Variants in COL5A1 observed in about 807,000 individuals in gnomAD.
COL5A1 encodes the protein collagen type V alpha 1 chain.
COL5A1 carries 16 observed loss-of-function variants against 263.7 expected under a neutral mutation model. The observed-to-expected ratio is 0.06, with a 90% CI of 0.04 to 0.09. The LOEUF is 0.09. Among genes scored for constraint, COL5A1 ranks in the 10% least tolerant of loss-of-function variants. The pLI is 1.00. For missense variants in COL5A1, 2,036 were observed against 2,540.5 expected (o/e 0.80, Z 4.27); for synonymous variants, 1,012 against 1,004.5 (o/e 1.01, Z -0.14).
In COL5A1 at chr9:134,757,141, G is replaced by A. The variant is rs1216304696; in HGVS notation, c.1881+323G>A. ...AGGGCAGAGGCGGGGCATATGGCAA[G>A]TGCGGGGGCCAGGGGGTCTTGTCCA... On this transcript the variant is annotated intron_variant, in intron 17 of 65. Transcript: ENST00000371817. The surrounding 1 kb of genome is among the most constrained non-coding windows in gnomAD (Gnocchi z 6.2). Among the ~76,000 whole-genome samples the A allele has an allele frequency of 1.3e-5, 2 of 152,186 alleles. No individual in the cohort carries two copies. The highest frequency in any genetic ancestry group is 2.1e-4 in the South Asian group (1 of 4,830).
chr9:134,829,895 C>CT, intron 63 of COL5A1, 81 bp from the exon 64 acceptor site: 1 of 1,485,342 alleles, frequency 6.7e-7, no homozygotes, highest in Non-Finnish European at 9.2e-7. Flanking sequence ...CCGGGAAAGC[C>CT]TGGGGCCTTG....
chr9:134,760,794 G>A (rs898293780), intron 18 of COL5A1, among the ~76,000 whole-genome samples: 26 of 112,108 alleles, frequency 2.3e-4, no homozygotes, highest in South Asian at 9.6e-4. Context: ...GCACACACAC[G>A]CATACACCCT....
At chr9:134,729,248 C>A (rs887605011) in intron 6 of COL5A1, among the ~76,000 whole-genome samples, 6 of 152,172 alleles carry the variant, frequency 3.9e-5, no homozygotes, top group African/African-American at 1.4e-4. Flanking sequence ...GGGCTGTCAT[C>A]CCCTCACCTC....
rs919675480 is a variant in COL5A1, at chr9:134,754,801, G to A, written c.1827+475G>A. On this transcript the variant is annotated intron_variant, in intron 16 of 65. Coordinates refer to ENST00000371817, the MANE Select transcript of COL5A1 (RefSeq NM_000093.5). This position sits in a 1 kb window ranked among gnomAD's most constrained non-coding sequence, Gnocchi z 4.3. ...ACTGGTTTGTTTGCACATGACCCTG[G>A]CTTCTAAAAGAGGACACACGTTTCC... is the stretch of plus-strand genomic sequence containing the variant. Among the ~76,000 whole-genome samples the A allele has an allele frequency of 2.0e-5, 3 of 152,136 alleles. No individual in the cohort carries two copies. The highest frequency in any genetic ancestry group is 2.0e-4 in the Admixed American group (3 of 15,274).
Position 134,789,009 on chromosome 9 carries a change from C to CAGGT in COL5A1, c.2647-141_2647-138dup, listed in dbSNP as rs1419347001. 6 of 667,254 alleles carry CAGGT rather than the reference C, an allele frequency of 9.0e-6. No homozygotes were observed. In the South Asian group the frequency reaches 9.4e-5, roughly 10 times the overall value. The allele number at this position is 667,254 out of a possible 1,614,324, so 41.3% of individuals were successfully genotyped here. Reference sequence around the variant, plus strand: ...GTGGATAGGTGAGAAGGTAGGTAGACAGGTAGGTGGGTGGTTGGGTGGGTG... The same window carrying CAGGT: ...GTGGATAGGTGAGAAGGTAGGTAGACAGGTAGGTAGGTGGGTGGTTGGGTGGGTG... On this transcript the variant is annotated intron_variant, in intron 31 of 65. Transcript: ENST00000371817. The surrounding 1 kb of genome is among the most constrained non-coding windows in gnomAD (Gnocchi z 4.8).
chr9:134,753,972 A>G (rs752100279), intron 15 of COL5A1, 69 bp downstream of exon 15: 65 of 1,354,330 alleles, frequency 4.8e-5, no homozygotes, highest in Non-Finnish European at 6.4e-5. Flanking sequence ...GACGGCGAGC[A>G]TGGAGGGACC....
intron 42 of COL5A1, among the ~76,000 whole-genome samples, chr9:134,808,370 A>C (rs912234501): frequency 3.9e-5 from 6 of 152,168 alleles, no homozygotes; most frequent in African/African-American, 1.4e-4. Context: ...CTTAAGAAGG[A>C]TCATTTGAGA....
At chr9:134,708,769 G>A (rs762947226) in intron 4 of COL5A1, 27 of 465,938 alleles carry the variant, frequency 5.8e-5, no homozygotes, top group South Asian at 2.9e-4. Context: ...GTCACAGCCC[G>A]GTGGCAAACA....
intron 19 of COL5A1, 100 bp downstream of exon 19, chr9:134,762,078 C>A: frequency 7.8e-7 from 1 of 1,276,350 alleles, no homozygotes; most frequent in Non-Finnish European, 1.1e-6. Flanking sequence ...TGGGATTGGC[C>A]TGCCGCATGT....
intron 1 of COL5A1, among the ~76,000 whole-genome samples, chr9:134,650,412 T>G (rs942606576): frequency 2.0e-5 from 3 of 152,212 alleles, no homozygotes; most frequent in Admixed American, 1.3e-4. Flanking sequence ...TGCAAAGACA[T>G]TGGGTGTGTC....
Position 134,817,772 on chromosome 9 carries a change from T to G in COL5A1, c.4177-6T>G. 1 of 1,611,886 alleles carries G rather than the reference T, an allele frequency of 6.2e-7. No individual in the cohort carries two copies. Among genetic ancestry groups the G allele is most frequent in the Non-Finnish European group, 8.5e-7 (1 of 1,179,154 alleles). On this transcript the variant is annotated splice_polypyrimidine_tract_variant and splice_region_variant and intron_variant, in intron 53 of 65. Transcript: ENST00000371817. ...TCACCACCTGCTGTTCTCTTGCTTCTTTCAGGGTCCCCCAGGCCCCGCAGG... is the reference window on the plus strand; with the variant it reads ...TCACCACCTGCTGTTCTCTTGCTTCGTTCAGGGTCCCCCAGGCCCCGCAGG...
intron 1 of COL5A1, among the ~76,000 whole-genome samples, chr9:134,667,490 C>T (rs1187396792): frequency 6.6e-6 from 1 of 152,156 alleles, no homozygotes; most frequent in Non-Finnish European, 1.5e-5. Flanking sequence ...GACCTCCAGC[C>T]CTGCCAGCAC....
intron 1 of COL5A1, among the ~76,000 whole-genome samples, chr9:134,674,318 A>C (rs1832627909): frequency 6.6e-6 from 1 of 152,206 alleles, no homozygotes; most frequent in South Asian, 2.1e-4. Context: ...TGGCAACAGA[A>C]GGCATGAGTG....
At position 134,812,384 on chromosome 9, in the gene COL5A1, G is replaced by A; in HGVS notation, c.3691-65G>A. 6.5e-6 allele frequency: 10 copies of A among 1,539,042 alleles called. 1 individual carries two copies. The South Asian group carries it at 1.1e-4, about 17-fold the overall frequency. On this transcript the variant is annotated intron_variant, in intron 46 of 65. Coordinates refer to ENST00000371817, the MANE Select transcript of COL5A1 (RefSeq NM_000093.5). ...TGCTGTGTGGGTGGAGGTCGTGAAA[G>A]CTGTGTGTGTGTTTGACATACACAT...
chr9:134,739,495 G>A (rs1399370803), intron 11 of COL5A1, among the ~76,000 whole-genome samples: 2 of 152,238 alleles, frequency 1.3e-5, no homozygotes, highest in Non-Finnish European at 2.9e-5. Context: ...TTCACGCCAG[G>A]GCCCTGCCTG....
chr9:134,642,446 C>T lies in COL5A1; in HGVS notation c.109+150C>T, dbSNP rs534194812. ...ACCACGAATGCCATTTGCTGGGGGCCCCCCCGAGATGACGACACGCAGACA... is the reference window on the plus strand; with the variant it reads ...ACCACGAATGCCATTTGCTGGGGGCTCCCCCGAGATGACGACACGCAGACA... On this transcript the variant is annotated intron_variant, in intron 1 of 65. Transcript: ENST00000371817. The surrounding 1 kb of genome is among the most constrained non-coding windows in gnomAD (Gnocchi z 4.5). The T allele has an allele frequency of 0.012, 2,571 of 211,874 alleles. 28 individuals are homozygous for T. Among genetic ancestry groups the T allele is most frequent in the Non-Finnish European group, 0.016 (1,743 of 108,738 alleles). The allele number at this position is 211,874 out of a possible 1,614,324, so 13.1% of individuals were successfully genotyped here.
intron 1 of COL5A1, among the ~76,000 whole-genome samples, chr9:134,676,762 G>A (rs1031322884): frequency 1.2e-5 from 1 of 81,296 alleles, no homozygotes; most frequent in Non-Finnish European, 2.4e-5. Context: ...TTGTTCATTT[G>A]TTCCTTCATT....
chr9:134,691,216 C>T (rs532518314), intron 2 of COL5A1, 137 bp downstream of exon 2: 13 of 1,117,492 alleles, frequency 1.2e-5, no homozygotes, highest in African/African-American at 1.6e-5. Flanking sequence ...AGCCCGGCTT[C>T]GTTTCACTGT....
chr9:134,823,480 C>T lies in COL5A1; in HGVS notation c.4698+11C>T. 1.2e-6 allele frequency: 2 copies of T among 1,614,074 alleles called. No homozygotes were observed. Among genetic ancestry groups the T allele is most frequent in the Non-Finnish European group, 1.7e-6 (2 of 1,179,926 alleles). On this transcript the variant is annotated intron_variant, in intron 61 of 65. Coordinates refer to ENST00000371817, the MANE Select transcript of COL5A1 (RefSeq NM_000093.5). ...CCCCCAGGCCCCCCGGTAAGTAGCC[C>T]TTGAAGCCCAGAAAGCGGGACGGGG...
Sources: gnomAD v4.1 joint callset for allele counts (sites outside exome capture counted in the v4.1 genomes callset) on GRCh38, gnomAD v4.1.1 for gene constraint, Gnocchi (gnomAD v3.1) non-coding constraint, MANE v1.5 for transcripts, NCBI Gene and HGNC (gene_info 2026-07-23, HGNC 2026-07-21) for gene names.